Variants in KSR2 observed in about 807,000 individuals in gnomAD.
KSR2 encodes kinase suppressor of ras 2.
A neutral mutation model predicts 107.8 loss-of-function variants in KSR2; 25 were observed. The observed-to-expected ratio is 0.23, with a 90% CI of 0.17 to 0.32. The LOEUF (loss-of-function observed/expected upper bound fraction) is 0.32. Ranked by LOEUF, KSR2 falls within the 10% of genes least tolerant of loss-of-function variation. The probability of loss-of-function intolerance (pLI) is 1.00; values close to 1 mark genes in which losing one functional copy is unlikely to be tolerated. For missense variants in KSR2, 887 were observed against 1,268.9 expected (o/e 0.70, Z 4.57); for synonymous variants, 480 against 507.0 (o/e 0.95, Z 0.71).
At chr12:117,945,762 A>C (rs961504711) in intron 1 of KSR2, among the ~76,000 whole-genome samples, 1 of 152,200 alleles carries the variant, frequency 6.6e-6, no homozygotes, top group Non-Finnish European at 1.5e-5. Flanking sequence ...CTTGGCACTC[A>C]TCCTCCCACA....
At chr12:117,891,817 T>C (rs1894351606) in intron 1 of KSR2, among the ~76,000 whole-genome samples, 1 of 151,590 alleles carries the variant, frequency 6.6e-6, no homozygotes, top group African/African-American at 2.4e-5. Flanking sequence ...GGAGACCCTG[T>C]CTCTACAAAA....
chr12:117,579,063 T>G, intron 7 of KSR2, 56 bp downstream of exon 7: 1 of 1,254,634 alleles, frequency 8.0e-7, no homozygotes, highest in Non-Finnish European at 1.2e-6. Context: ...GTGCCCTGCA[T>G]GGTTCTAGCT....
intron 1 of KSR2, among the ~76,000 whole-genome samples, chr12:117,909,510 C>T (rs1894952868): frequency 1.3e-5 from 2 of 152,194 alleles, no homozygotes; most frequent in South Asian, 4.1e-4. Context: ...GCCTGTTAAT[C>T]TCAGGGAACA....
intron 1 of KSR2, among the ~76,000 whole-genome samples, chr12:117,931,575 A>G (rs1286067176): frequency 1.3e-5 from 2 of 152,174 alleles, no homozygotes; most frequent in African/African-American, 4.8e-5. Flanking sequence ...CTCTCTTCCC[A>G]TCCGTCACCC....
intron 5 of KSR2, among the ~76,000 whole-genome samples, chr12:117,627,914 T>A (rs945357963): frequency 6.6e-6 from 1 of 152,236 alleles, no homozygotes; most frequent in Non-Finnish European, 1.5e-5. Context: ...TTACTCTTTT[T>A]TCTCTAACCT....
intron 14 of KSR2, among the ~76,000 whole-genome samples, chr12:117,523,619 C>T (rs1185302808): frequency 6.6e-6 from 1 of 152,164 alleles, no homozygotes; most frequent in Non-Finnish European, 1.5e-5. Flanking sequence ...ACCACAGATC[C>T]TGGATATTCC....
At chr12:117,826,354 C>G (rs1203051087) in intron 3 of KSR2, among the ~76,000 whole-genome samples, 2 of 152,064 alleles carry the variant, frequency 1.3e-5, no homozygotes, top group Non-Finnish European at 2.9e-5. Context: ...TGTGCAGCCT[C>G]AGCCAGAGCT....
At chr12:117,793,679 A>AT (rs1890402752) in intron 3 of KSR2, among the ~76,000 whole-genome samples, 1 of 149,734 alleles carries the variant, frequency 6.7e-6, no homozygotes, top group African/African-American at 2.5e-5. Flanking sequence ...ACATGCACAC[A>AT]CCAACATGCA....
At chr12:117,772,549 CAA>C (rs1295757087) in intron 3 of KSR2, among the ~76,000 whole-genome samples, 1 of 148,494 alleles carries the variant, frequency 6.7e-6, no homozygotes, top group African/African-American at 2.5e-5. Flanking sequence ...ACCATTCCAC[CAA>C]AGACGCACAA....
intron 14 of KSR2, among the ~76,000 whole-genome samples, chr12:117,510,954 G>T (rs1451539151): frequency 6.6e-6 from 1 of 151,578 alleles, no homozygotes; most frequent in Non-Finnish European, 1.5e-5. Flanking sequence ...TGTGTACCAG[G>T]CACTATTTTC....
At chr12:117,957,242 C>A (rs1896542873) in intron 1 of KSR2, among the ~76,000 whole-genome samples, 1 of 152,124 alleles carries the variant, frequency 6.6e-6, no homozygotes, top group African/African-American at 2.4e-5. Flanking sequence ...CTGCCTTACT[C>A]GGTCAGTTTG....
At chr12:117,799,950 T>C (rs1242517907) in intron 3 of KSR2, among the ~76,000 whole-genome samples, 1 of 152,200 alleles carries the variant, frequency 6.6e-6, no homozygotes, top group Non-Finnish European at 1.5e-5. Flanking sequence ...AGACTCAGGC[T>C]CTTAGCCCTA....
chr12:117,795,541 G>A (rs1890593819), intron 3 of KSR2, among the ~76,000 whole-genome samples: 1 of 152,188 alleles, frequency 6.6e-6, no homozygotes, highest in African/African-American at 2.4e-5. Context: ...CCCAGAGAAT[G>A]ACATTTGCCT....
intron 5 of KSR2, among the ~76,000 whole-genome samples, chr12:117,629,700 G>A (rs886521311): frequency 6.6e-6 from 1 of 152,206 alleles, no homozygotes; most frequent in African/African-American, 2.4e-5. Context: ...TAGGACACTA[G>A]TTACTATAGC....
intron 5 of KSR2, among the ~76,000 whole-genome samples, chr12:117,644,365 G>A (rs1303898826): frequency 6.6e-6 from 1 of 152,190 alleles, no homozygotes; most frequent in Non-Finnish European, 1.5e-5. Flanking sequence ...GAAGTCATAG[G>A]TATTCAGAAA....
chr12:117,708,315 G>A (rs1886609892), intron 4 of KSR2, among the ~76,000 whole-genome samples: 1 of 152,140 alleles, frequency 6.6e-6, no homozygotes, highest in Non-Finnish European at 1.5e-5. Context: ...TCTAGTGTCA[G>A]GCTCTCTGTG....
intron 17 of KSR2, 33 bp downstream of exon 17, chr12:117,476,431 T>C: frequency 6.4e-7 from 1 of 1,557,004 alleles, no homozygotes; most frequent in African/African-American, 1.4e-5. Context: ...GCCCAGGCTG[T>C]GGCTCTCAAT....
At position 117,907,851 on chromosome 12, in the gene KSR2, G is replaced by A. The variant is rs940235479; in HGVS notation, c.181-47420C>T. 6.6e-6 allele frequency among the ~76,000 whole-genome samples: 1 copy of A among 150,544 alleles called. No individual in the cohort carries two copies. Among genetic ancestry groups the A allele is most frequent in the African/African-American group, 2.4e-5 (1 of 40,838 alleles). On this transcript the variant is annotated intron_variant, in intron 1 of 19. Coordinates refer to ENST00000339824, the MANE Select transcript of KSR2 (RefSeq NM_173598.6). This position sits in a 1 kb window ranked among gnomAD's most constrained non-coding sequence, Gnocchi z 4.3. ...AATCATCTTTTCACTGCCCCTCTTT[G>A]AGAGCTGCCAATTTACTGAAAAGGT...
chr12:117,934,295 G>A (rs901524473), intron 1 of KSR2, among the ~76,000 whole-genome samples: 5 of 152,074 alleles, frequency 3.3e-5, no homozygotes, highest in Admixed American at 6.6e-5. Flanking sequence ...TGACAACACC[G>A]CTCCCTTTTG....
Sources: allele counts gnomAD v4.1 joint callset (sites outside exome capture counted in the v4.1 genomes callset), GRCh38; gene constraint gnomAD v4.1.1; non-coding constraint Gnocchi (gnomAD v3.1); transcripts MANE v1.5; gene names NCBI Gene and HGNC (gene_info 2026-07-23, HGNC 2026-07-21).